Variants in CCSER1 observed in about 807,000 individuals in gnomAD.
CCSER1 encodes serine-rich coiled-coil domain-containing protein 1.
Under a neutral mutation model 82.0 loss-of-function variants are expected in CCSER1, and 41 were observed. The observed-to-expected ratio is 0.50, with a 90% CI of 0.39 to 0.65. CCSER1 has a LOEUF of 0.65. CCSER1 is among the 30% of genes least tolerant of loss of function. The pLI is 0.00. For synonymous variants in CCSER1, 414 were observed against 383.9 expected (o/e 1.08, Z -0.92); for missense variants, 1,119 against 1,064.2 (o/e 1.05, Z -0.72).
chr4:91,442,328 A>T (rs993484233), intron 10 of CCSER1, among the ~76,000 whole-genome samples: 8 of 152,168 alleles, frequency 5.3e-5, no homozygotes, highest in Admixed American at 4.6e-4. Flanking sequence ...CATATCTACC[A>T]CCATCTGATC....
intron 10 of CCSER1, among the ~76,000 whole-genome samples, chr4:91,466,372 T>G (rs113534953): frequency 6.6e-6 from 1 of 152,106 alleles, no homozygotes; most frequent in African/African-American, 2.4e-5. Flanking sequence ...TAAGAGCTAT[T>G]TGTGACAAAC....
chr4:91,568,609 A>G (rs1278654222), intron 10 of CCSER1, among the ~76,000 whole-genome samples: 1 of 152,036 alleles, frequency 6.6e-6, no homozygotes, highest in Non-Finnish European at 1.5e-5. Flanking sequence ...AAGTTCTGAG[A>G]TTCTTTCCTC....
chr4:90,630,485 T>C (rs1275691459), intron 6 of CCSER1, among the ~76,000 whole-genome samples: 1 of 152,210 alleles, frequency 6.6e-6, no homozygotes, highest in Non-Finnish European at 1.5e-5. Context: ...CACCTGGTTT[T>C]CTTTATTAAG....
intron 10 of CCSER1, among the ~76,000 whole-genome samples, chr4:91,137,057 T>A (rs1361981486): frequency 6.7e-6 from 1 of 150,124 alleles, no homozygotes; most frequent in East Asian, 2.0e-4. Context: ...CATGTGCACA[T>A]TGTGCAGGTT....
chr4:90,754,688 C>T (rs1401322198), intron 7 of CCSER1, among the ~76,000 whole-genome samples: 1 of 152,198 alleles, frequency 6.6e-6, no homozygotes, highest in African/African-American at 2.4e-5. Flanking sequence ...CTTCCCTTAA[C>T]TACATCAAAT....
At chr4:90,367,270 T>G (rs1746439856) in intron 3 of CCSER1, among the ~76,000 whole-genome samples, 1 of 151,914 alleles carries the variant, frequency 6.6e-6, no homozygotes. Flanking sequence ...CTACAAAAAG[T>G]GCTATGCATT....
chr4:90,186,239 C>T (rs1375992639), intron 1 of CCSER1, among the ~76,000 whole-genome samples: 3 of 151,964 alleles, frequency 2.0e-5, no homozygotes, highest in Admixed American at 6.6e-5. Flanking sequence ...TGTCCCTTCT[C>T]TCATAAAATA....
chr4:90,279,849 A>G (rs946554933), intron 1 of CCSER1, among the ~76,000 whole-genome samples: 4 of 152,112 alleles, frequency 2.6e-5, no homozygotes, highest in Admixed American at 6.6e-5. Context: ...GTATGAATGA[A>G]AATTGTATAT....
intron 6 of CCSER1, among the ~76,000 whole-genome samples, chr4:90,705,688 C>G (rs900632288): frequency 6.6e-6 from 1 of 152,206 alleles, no homozygotes; most frequent in Admixed American, 6.5e-5. Flanking sequence ...GCCCCTCCCC[C>G]AGTCTCACTG....
At chr4:90,533,031 A>G (rs887896360) in intron 5 of CCSER1, among the ~76,000 whole-genome samples, 2 of 147,796 alleles carry the variant, frequency 1.4e-5, no homozygotes, top group East Asian at 2.0e-4. Context: ...TTCTGACTTT[A>G]CTATGGTCCC....
chr4:90,614,634 C>T (rs1160234013), intron 5 of CCSER1, among the ~76,000 whole-genome samples: 1 of 152,042 alleles, frequency 6.6e-6, no homozygotes, highest in African/African-American at 2.4e-5. Flanking sequence ...AGAGAAAAGC[C>T]CTAACTCTCT....
intron 5 of CCSER1, among the ~76,000 whole-genome samples, chr4:90,595,654 C>A (rs1783238178): frequency 6.6e-6 from 1 of 151,916 alleles, no homozygotes; most frequent in Non-Finnish European, 1.5e-5. Flanking sequence ...GGTCTTAATT[C>A]ATAGCTTAAA....
intron 7 of CCSER1, among the ~76,000 whole-genome samples, chr4:90,758,721 A>G (rs1393697992): frequency 6.6e-6 from 1 of 152,156 alleles, no homozygotes; most frequent in Non-Finnish European, 1.5e-5. Context: ...ACCATAGGCT[A>G]TTGTGTGTGA....
chr4:90,211,312 C>T (rs997320527), intron 1 of CCSER1, among the ~76,000 whole-genome samples: 6 of 152,204 alleles, frequency 3.9e-5, no homozygotes, highest in Non-Finnish European at 7.3e-5. Context: ...AGTCATATCT[C>T]TACCTTCATT....
chr4:91,437,951 C>A (rs1754788325), intron 10 of CCSER1, among the ~76,000 whole-genome samples: 1 of 152,210 alleles, frequency 6.6e-6, no homozygotes, highest in African/African-American at 2.4e-5. Context: ...ATTGCCCAGG[C>A]TTGCTTAGGT....
intron 10 of CCSER1, among the ~76,000 whole-genome samples, chr4:91,334,960 C>T (rs1747221818): frequency 6.6e-6 from 1 of 151,828 alleles, no homozygotes; most frequent in Non-Finnish European, 1.5e-5. Context: ...GTGTTGAATT[C>T]TGCCTGAAGG....
intron 9 of CCSER1, among the ~76,000 whole-genome samples, chr4:90,997,198 G>A (rs951984575): frequency 1.3e-5 from 2 of 152,048 alleles, no homozygotes; most frequent in African/African-American, 4.8e-5. Context: ...GGGAGAGTCG[G>A]CTTCCTAGTT....
chr4:91,525,917 G>A (rs1760742517), intron 10 of CCSER1, among the ~76,000 whole-genome samples: 1 of 152,220 alleles, frequency 6.6e-6, no homozygotes, highest in African/African-American at 2.4e-5. Context: ...AAGGGGAAGT[G>A]GGGGTCAGAC....
At position 91,600,207 on chromosome 4, in the gene CCSER1, A is replaced by G. The variant is rs1387857424; in HGVS notation, c.*1150A>G. 8 of 152,192 alleles carry G rather than the reference A, an allele frequency of 5.3e-5. No individual in the cohort carries two copies. The highest frequency in any genetic ancestry group is 5.2e-4 in the Admixed American group (8 of 15,248). The allele number at this position is 152,192 out of a possible 1,614,324, so 9.4% of individuals were successfully genotyped here. A position where few individuals can be genotyped will look rare whatever the true frequency, so the allele number is the denominator to read the frequency against. On this transcript the variant is annotated 3_prime_UTR_variant, in exon 11 of 11. Transcript: ENST00000509176. ...GATGGCAAATATTTCTCTTTGACAA[A>G]TAAGGCCCAAATATGTTATAATATG...
Sources: allele counts gnomAD v4.1 joint callset (sites outside exome capture counted in the v4.1 genomes callset), GRCh38; gene constraint gnomAD v4.1.1; transcripts MANE v1.5; gene names NCBI Gene and HGNC (gene_info 2026-07-23, HGNC 2026-07-21).